The following ENPP6 variants were observed in gnomAD, a reference collection of about 807,000 sequenced individuals.
ENPP6 encodes glycerophosphocholine cholinephosphodiesterase ENPP6.
Under a neutral mutation model 42.0 loss-of-function variants are expected in ENPP6, and 32 were observed. That is an observed-to-expected ratio of 0.76 (90% CI 0.58 to 1.02). ENPP6 has a LOEUF of 1.02. ENPP6 is among the 50% of genes least tolerant of loss of function. The pLI is 0.00. For missense variants in ENPP6, 552 were observed against 566.8 expected (o/e 0.97, Z 0.27); for synonymous variants, 213 against 216.0 (o/e 0.99, Z 0.12).
intron 3 of ENPP6, among the ~76,000 whole-genome samples, chr4:184,122,920 G>C (rs1184381755): frequency 6.6e-6 from 1 of 152,190 alleles, no homozygotes; most frequent in African/African-American, 2.4e-5. Flanking sequence ...GTGCTATTCT[G>C]CTTCACTCGC....
chr4:184,172,114 G>C (rs1737478733), intron 1 of ENPP6, among the ~76,000 whole-genome samples: 1 of 152,154 alleles, frequency 6.6e-6, no homozygotes, highest in Admixed American at 6.5e-5. Flanking sequence ...AGAGCATCCA[G>C]GGCGAGAGGG....
At chr4:184,163,108 A>C (rs1044566503) in intron 1 of ENPP6, among the ~76,000 whole-genome samples, 5 of 152,148 alleles carry the variant, frequency 3.3e-5, no homozygotes, top group Non-Finnish European at 7.4e-5. Context: ...AAATCCTAAG[A>C]CGTGGATTTT....
intron 2 of ENPP6, 105 bp downstream of exon 2, chr4:184,153,449 C>A: frequency 7.7e-7 from 1 of 1,300,114 alleles, no homozygotes; most frequent in Non-Finnish European, 1.0e-6. Flanking sequence ...AATAAAGATC[C>A]CATTTTCCAA....
intron 1 of ENPP6, among the ~76,000 whole-genome samples, chr4:184,170,019 A>G (rs1481883494): frequency 1.3e-5 from 2 of 152,066 alleles, no homozygotes; most frequent in Admixed American, 1.3e-4. Context: ...AAAAAAACAT[A>G]CTCTTGTTAT....
At chr4:184,172,045 G>T (rs181259210) in intron 1 of ENPP6, among the ~76,000 whole-genome samples, 1 of 152,104 alleles carries the variant, frequency 6.6e-6, no homozygotes, top group Non-Finnish European at 1.5e-5. Flanking sequence ...GTGAGATGAC[G>T]CTTGAGTGGT....
chr4:184,091,301 G>C lies in ENPP6; in HGVS notation c.1199C>G (p.Pro400Arg). The stretch of plus-strand genomic sequence containing the variant: ...GGACCAGGATCCGTTGTTGGGCAGC[G>C]GGGTGATGCCCACCACATTGCACAT... ...NVMCNVVGIT[P>R]LPNNGSWSRV... Residue 400 changes from proline to arginine, a missense_variant, in exon 8 of 8, where the codon CCG (proline) becomes CGG (arginine). Pro to Arg is a moderately radical substitution (Grantham distance 103). Around this residue, in one of 2 missense-constraint regions of ENPP6, gnomAD observed 545 missense variants for 546.3 expected, o/e 1.00. Transcript: ENST00000296741. The C allele has an allele frequency of 6.2e-7, 1 of 1,614,096 alleles. No individual in the cohort carries two copies.
chr4:184,138,239 G>A (rs1375575749), intron 2 of ENPP6, among the ~76,000 whole-genome samples: 5 of 152,206 alleles, frequency 3.3e-5, no homozygotes, highest in African/African-American at 9.7e-5. Context: ...TGCTGAGAAA[G>A]TTGTTCACAT....
chr4:184,091,039 CA>C lies in ENPP6; in HGVS notation c.*137del, dbSNP rs1348739904. 2.6e-6 allele frequency: 2 copies of C among 770,912 alleles called. No individual in the cohort carries two copies. 47.8% of individuals were successfully genotyped at this position (770,912 alleles called of 1,614,324 possible). On this transcript the variant is annotated 3_prime_UTR_variant, in exon 8 of 8. Coordinates refer to ENST00000296741, the MANE Select transcript of ENPP6 (RefSeq NM_153343.4). ...AGGAACTTTTATGTATAGAATTATC[CA>C]AGAATAATGTATTTACAATGTGCAT...
chr4:184,164,045 A>T (rs1458539472), intron 1 of ENPP6, among the ~76,000 whole-genome samples: 26 of 152,148 alleles, frequency 1.7e-4, no homozygotes, highest in African/African-American at 6.0e-4. Flanking sequence ...CAGCACAGGG[A>T]CCTGGGCTGT....
rs75772413 is a variant in ENPP6, at chr4:184,130,668, T to A, written c.422-6396A>T. Among the ~76,000 whole-genome samples, 1,435 of 151,914 alleles carry A rather than the reference T, an allele frequency of 9.4e-3. 23 individuals carry two copies. Among genetic ancestry groups the A allele is most frequent in the African/African-American group, 0.033 (1,363 of 41,382 alleles). ...TATGATACAAATCAATTCCTTTGTG[T>A]TTATCCAGTCTAAACTACATTCTAT... On this transcript the variant is annotated intron_variant, in intron 2 of 7. Coordinates refer to ENST00000296741, the MANE Select transcript of ENPP6 (RefSeq NM_153343.4).
intron 2 of ENPP6, among the ~76,000 whole-genome samples, chr4:184,142,828 C>G (rs1236469855): frequency 2.0e-5 from 3 of 152,238 alleles, no homozygotes; most frequent in Admixed American, 6.5e-5. Flanking sequence ...GCTTTCATCT[C>G]TCTATCTGCT....
intron 1 of ENPP6, among the ~76,000 whole-genome samples, chr4:184,214,444 C>T (rs1288405282): frequency 6.6e-6 from 1 of 152,170 alleles, no homozygotes; most frequent in Non-Finnish European, 1.5e-5. Flanking sequence ...GTTGATTCCC[C>T]ATCCCCATCC....
At chr4:184,150,447 G>C (rs1397775320) in intron 2 of ENPP6, among the ~76,000 whole-genome samples, 1 of 152,116 alleles carries the variant, frequency 6.6e-6, no homozygotes, top group African/African-American at 2.4e-5. Flanking sequence ...AGAAGGAAGA[G>C]GAGGATTTAA....
intron 1 of ENPP6, among the ~76,000 whole-genome samples, chr4:184,216,192 C>T (rs1010815933): frequency 9.9e-5 from 15 of 152,204 alleles, no homozygotes; most frequent in Non-Finnish European, 1.9e-4. Flanking sequence ...ACAATCACGT[C>T]TATGTGAGAG....
chr4:184,208,997 G>A lies in ENPP6; in HGVS notation c.241+8582C>T, dbSNP rs1364417673. 1.4e-3 allele frequency among the ~76,000 whole-genome samples: 204 copies of A among 142,252 alleles called. 3 individuals are homozygous for A. The highest frequency in any genetic ancestry group is 0.01 in the Middle Eastern group (3 of 286). 93.3% of individuals were successfully genotyped at this position (142,252 alleles called of 152,430 possible). A position where few individuals can be genotyped will look rare whatever the true frequency, so the allele number is the denominator to read the frequency against. ...GCACACTGACACCTCACACGGCAGG[G>A]TATTCCAACAGACCTGCAGCTGAGG... On this transcript the variant is annotated intron_variant, in intron 1 of 7. Transcript: ENST00000296741.
chr4:184,133,379 G>T (rs1036163413), intron 2 of ENPP6, among the ~76,000 whole-genome samples: 1 of 151,852 alleles, frequency 6.6e-6, no homozygotes, highest in Non-Finnish European at 1.5e-5. Context: ...CATCTTTCAC[G>T]TATTTGAATT....
intron 1 of ENPP6, among the ~76,000 whole-genome samples, chr4:184,193,935 T>C (rs1050187342): frequency 6.6e-5 from 10 of 152,224 alleles, no homozygotes; most frequent in Admixed American, 3.9e-4. Flanking sequence ...GACTTTCTTC[T>C]ATTAGAAGCT....
intron 1 of ENPP6, among the ~76,000 whole-genome samples, chr4:184,154,633 A>G (rs1737121741): frequency 6.6e-6 from 1 of 152,180 alleles, no homozygotes; most frequent in Non-Finnish European, 1.5e-5. Context: ...AGAAACAAAG[A>G]AAAATTATAA....
Position 184,117,023 on chromosome 4 carries a change from G to T in ENPP6, c.688C>A (p.Gln230Lys), listed in dbSNP as rs778484221. ...MTKWIQERGL[Q>K]DRLNVIIFSD... The stretch of plus-strand genomic sequence containing the variant: ...AAAATAATGACGTTCAGGCGGTCCT[G>T]CAGGCCCCGCTCCTGTGGGGTGGGA... The change falls in exon 5 of 8, where the codon CAG becomes AAG. Residue 230 changes from glutamine to lysine, a missense_variant. By Grantham distance (53) the Gln-to-Lys change is moderately conservative (BLOSUM62 1). Transcript: ENST00000296741. 2.5e-6 allele frequency: 4 copies of T among 1,614,208 alleles called. No homozygotes were observed. The highest frequency in any genetic ancestry group is 3.4e-6 in the Non-Finnish European group (4 of 1,180,040).
Sources: allele counts gnomAD v4.1 joint callset (sites outside exome capture counted in the v4.1 genomes callset), GRCh38; gene constraint gnomAD v4.1.1; regional missense constraint gnomAD v4.1.1; transcripts MANE v1.5; gene names NCBI Gene and HGNC (gene_info 2026-07-23, HGNC 2026-07-21).